The following ARHGEF11 variants were observed in gnomAD, a reference collection of about 807,000 sequenced individuals.
The protein encoded by ARHGEF11 is Rho guanine nucleotide exchange factor 11.
A neutral mutation model predicts 193.7 loss-of-function variants in ARHGEF11; 55 were observed. That is an observed-to-expected ratio of 0.28 (90% CI 0.23 to 0.36). The LOEUF is 0.36. ARHGEF11 is among the 10% of genes least tolerant of loss of function. ARHGEF11 has a pLI of 1.00. For missense variants in ARHGEF11, 1,723 were observed against 2,005.6 expected, an observed-to-expected ratio of 0.86 and a Z score of 2.69; for synonymous variants, 693 against 768.0, an observed-to-expected ratio of 0.90 and a Z score of 1.62.
At chr1:156,999,787 T>C (rs1438491990) in intron 1 of ARHGEF11, among the ~76,000 whole-genome samples, 1 of 152,202 alleles carries the variant, frequency 6.6e-6, no homozygotes, top group Non-Finnish European at 1.5e-5. Context: ...AAGGCCTCCA[T>C]CTGTGGAATG....
intron 7 of ARHGEF11, among the ~76,000 whole-genome samples, chr1:156,976,639 C>T (rs1220727409): frequency 6.6e-6 from 1 of 152,208 alleles, no homozygotes; most frequent in East Asian, 1.9e-4. Context: ...CTCCCCACCT[C>T]TTTCAGTCTG....
chr1:156,998,071 G>A (rs1288999485), intron 1 of ARHGEF11, among the ~76,000 whole-genome samples: 1 of 152,124 alleles, frequency 6.6e-6, no homozygotes, highest in Non-Finnish European at 1.5e-5. Flanking sequence ...ACAGCACCTG[G>A]TATATATTTC....
At chr1:157,031,497 G>A (rs1331273956) in intron 1 of ARHGEF11, among the ~76,000 whole-genome samples, 2 of 152,142 alleles carry the variant, frequency 1.3e-5, no homozygotes, top group African/African-American at 4.8e-5. Context: ...CACAAGAATT[G>A]CCAGGCCATG....
chr1:156,938,900 C>A, intron 37 of ARHGEF11: 1 of 215,570 alleles, frequency 4.6e-6, no homozygotes, highest in Non-Finnish European at 9.1e-6. Context: ...CCAGCCCACT[C>A]TTCCCGGGGT....
At chr1:156,985,220 A>G (rs972514806) in intron 2 of ARHGEF11, among the ~76,000 whole-genome samples, 1 of 152,192 alleles carries the variant, frequency 6.6e-6, no homozygotes, top group Admixed American at 6.5e-5. Flanking sequence ...GAACTTGGAC[A>G]TATTTCTTAA....
At position 156,935,909 on chromosome 1, in the gene ARHGEF11, G is replaced by A. The variant is rs145980265; in HGVS notation, c.*91C>T. The A allele has an allele frequency of 1.4e-4, 200 of 1,396,904 alleles. No homozygotes were observed. The East Asian group carries it at 3.3e-3, about 23-fold the overall frequency. The allele number at this position is 1,396,904 out of a possible 1,614,324, so 86.5% of individuals were successfully genotyped here. A position where few individuals can be genotyped will look rare whatever the true frequency, so the allele number is the denominator to read the frequency against. ...CCCTAACTGCCTCCTCCACAGGGAG[G>A]AGTGTTGGGATCCCCCCTACCCTGT... On this transcript the variant is annotated 3_prime_UTR_variant, in exon 41 of 41. Coordinates refer to ENST00000368194, the MANE Select transcript of ARHGEF11 (RefSeq NM_198236.3).
chr1:157,016,118 C>T (rs186313932), intron 1 of ARHGEF11, among the ~76,000 whole-genome samples: 214 of 152,324 alleles, frequency 1.4e-3, no homozygotes, highest in African/African-American at 4.9e-3. Flanking sequence ...CCTAAACCCC[C>T]AGGTGTCTAT....
At chr1:157,033,975 T>C (rs1671606858) in intron 1 of ARHGEF11, among the ~76,000 whole-genome samples, 1 of 152,228 alleles carries the variant, frequency 6.6e-6, no homozygotes, top group Non-Finnish European at 1.5e-5. Flanking sequence ...GGGCAAGGTA[T>C]GCAGCATATT....
intron 7 of ARHGEF11, among the ~76,000 whole-genome samples, chr1:156,972,864 G>A (rs1346474004): frequency 3.9e-5 from 6 of 152,050 alleles, no homozygotes; most frequent in Non-Finnish European, 7.4e-5. Context: ...CTCTTCTTGG[G>A]CACTGTTCAC....
In ARHGEF11 at chr1:156,980,075, G is replaced by A. The variant is rs192473719; in HGVS notation, c.273+362C>T. Among the ~76,000 whole-genome samples the A allele has an allele frequency of 6.2e-4, 94 of 152,218 alleles. 1 individual carries two copies. The highest frequency in any genetic ancestry group is 4.3e-4 in the Non-Finnish European group (29 of 68,036). On this transcript the variant is annotated intron_variant, in intron 4 of 40. Coordinates refer to ENST00000368194, the MANE Select transcript of ARHGEF11 (RefSeq NM_198236.3). Reference sequence around the variant, plus strand: ...AGTTCAGAATGGGCAAAGACCCCAGGTTGGCATTATATGGAGGAAAGAATA... The same window carrying A: ...AGTTCAGAATGGGCAAAGACCCCAGATTGGCATTATATGGAGGAAAGAATA...
At chr1:157,024,882 T>C (rs1670457184) in intron 1 of ARHGEF11, among the ~76,000 whole-genome samples, 1 of 152,236 alleles carries the variant, frequency 6.6e-6, no homozygotes, top group African/African-American at 2.4e-5. Context: ...TCTCATGTTT[T>C]CTCTTGAACC....
intron 5 of ARHGEF11, 29 bp downstream of exon 5, chr1:156,979,200 A>G: frequency 6.2e-7 from 1 of 1,608,800 alleles, no homozygotes; most frequent in Non-Finnish European, 8.5e-7. Flanking sequence ...CTGCTTCCCT[A>G]CTTTAGTTGT....
At chr1:156,937,097 T>C in intron 39 of ARHGEF11, 92 bp from the exon 40 acceptor site, 1 of 1,564,228 alleles carries the variant, frequency 6.4e-7, no homozygotes, top group Non-Finnish European at 8.7e-7. Context: ...GGGAGGAGGG[T>C]GTGATTTAAG....
At chr1:156,967,425 C>G (rs1417412851) in intron 11 of ARHGEF11, among the ~76,000 whole-genome samples, 1 of 152,192 alleles carries the variant, frequency 6.6e-6, no homozygotes, top group Non-Finnish European at 1.5e-5. Flanking sequence ...TAAGTCAAAA[C>G]CCATCTTCCT....
intron 1 of ARHGEF11, among the ~76,000 whole-genome samples, chr1:157,014,376 C>A (rs1668943815): frequency 6.6e-6 from 1 of 152,092 alleles, no homozygotes; most frequent in South Asian, 2.1e-4. Context: ...TTCTCCTCAG[C>A]CCAGAAATTT....
chr1:156,942,057 G>A, intron 33 of ARHGEF11, 68 bp from the exon 34 acceptor site: 4 of 1,609,252 alleles, frequency 2.5e-6, no homozygotes, highest in Non-Finnish European at 3.4e-6. Flanking sequence ...ACCCCGTACT[G>A]AGCCCACTGG....
At chr1:156,947,710 A>G in intron 25 of ARHGEF11, 59 bp downstream of exon 25, 1 of 1,584,492 alleles carries the variant, frequency 6.3e-7, no homozygotes, top group East Asian at 2.2e-5. Context: ...TGTCTTAGGC[A>G]TTCTGGACCT....
intron 7 of ARHGEF11, 117 bp from the exon 8 acceptor site, chr1:156,971,933 G>A: frequency 7.7e-7 from 1 of 1,292,102 alleles, no homozygotes; most frequent in Non-Finnish European, 1.0e-6. Context: ...AGATGAGAGA[G>A]AAGAGGTCTC....
At chr1:156,966,412 TTC>T (rs1212181700) in intron 11 of ARHGEF11, among the ~76,000 whole-genome samples, 2 of 152,250 alleles carry the variant, frequency 1.3e-5, no homozygotes, top group Admixed American at 6.5e-5. Context: ...ATGTGATGAA[TTC>T]TGTTATTTTC....
Sources: gnomAD v4.1 joint callset for allele counts (sites outside exome capture counted in the v4.1 genomes callset) on GRCh38, gnomAD v4.1.1 for gene constraint, MANE v1.5 for transcripts, NCBI Gene and HGNC (gene_info 2026-07-23, HGNC 2026-07-21) for gene names.